The following GPHN variants were observed in gnomAD, a reference collection of about 807,000 sequenced individuals.
GPHN encodes the protein gephyrin.
In GPHN, 17 loss-of-function variants were observed where a neutral mutation model predicts 95.5. That is an observed-to-expected ratio of 0.18 (90% CI 0.12 to 0.27). GPHN has a LOEUF of 0.27. Ranked by LOEUF, GPHN falls within the 10% of genes least tolerant of loss-of-function variation. The probability of loss-of-function intolerance (pLI) is 1.00; values close to 1 mark genes in which losing one functional copy is unlikely to be tolerated. For synonymous variants in GPHN, 320 were observed against 322.5 expected, an observed-to-expected ratio of 0.99 and a Z score of 0.08; for missense variants, 660 against 978.1, an observed-to-expected ratio of 0.67 and a Z score of 4.34.
intron 1 of GPHN, among the ~76,000 whole-genome samples, chr14:66,602,593 A>C (rs761707268): frequency 4.6e-5 from 7 of 152,022 alleles, no homozygotes; most frequent in Non-Finnish European, 2.9e-5. Flanking sequence ...TTAGATCTTC[A>C]TAAAATCTGA....
At chr14:67,464,818 C>T in the GPHN span, among the ~76,000 whole-genome samples, 3 of 152,226 alleles carry the variant, frequency 2.0e-5, no homozygotes, top group Non-Finnish European at 4.4e-5. Flanking sequence ...TTCACACATG[C>T]TGTGCTTTCA....
chr14:66,904,499 A>G (rs2065276677), intron 5 of GPHN, among the ~76,000 whole-genome samples: 1 of 152,140 alleles, frequency 6.6e-6, no homozygotes, highest in Non-Finnish European at 1.5e-5. Flanking sequence ...ACTGATTGGT[A>G]CGTTTTACAA....
intron 9 of GPHN, among the ~76,000 whole-genome samples, chr14:67,004,489 T>A (rs2072464574): frequency 2.0e-5 from 3 of 151,784 alleles, no homozygotes; most frequent in African/African-American, 7.2e-5. Context: ...TGTCCATTTT[T>A]TAAAAAATCA....
At chr14:67,477,192 T>G in the GPHN span, among the ~76,000 whole-genome samples, 74,171 of 151,092 alleles carry the variant, frequency 0.49, 18,627 homozygotes, top group African/African-American at 0.6. Flanking sequence ...ATGTTCGATA[T>G]CTCCTTATTT....
intron 2 of GPHN, among the ~76,000 whole-genome samples, chr14:66,685,964 T>C (rs1463253351): frequency 6.6e-6 from 1 of 151,436 alleles, no homozygotes; most frequent in African/African-American, 2.4e-5. Flanking sequence ...TTTCTACATT[T>C]GGCTAGCCAG....
At chr14:67,689,894 G>C in the GPHN span, among the ~76,000 whole-genome samples, 1 of 151,900 alleles carries the variant, frequency 6.6e-6, no homozygotes, top group Non-Finnish European at 1.5e-5. Flanking sequence ...GCAGTGAGCC[G>C]AGATTGCACC....
intron 1 of GPHN, among the ~76,000 whole-genome samples, chr14:66,650,918 G>T (rs1270024546): frequency 6.6e-6 from 1 of 152,168 alleles, no homozygotes; most frequent in African/African-American, 2.4e-5. Context: ...TTAGAGAAAT[G>T]CTGGCTAGCC....
intron 4 of GPHN, among the ~76,000 whole-genome samples, chr14:66,834,093 C>G (rs1329807215): frequency 1.3e-5 from 2 of 152,110 alleles, no homozygotes; most frequent in African/African-American, 2.4e-5. Flanking sequence ...AATCTGTCAC[C>G]TTATAATTTC....
the GPHN span, among the ~76,000 whole-genome samples, chr14:67,397,377 C>T: frequency 1.3e-5 from 2 of 152,356 alleles, no homozygotes; most frequent in African/African-American, 4.8e-5. Flanking sequence ...CCAGCCCATA[C>T]AGTGCTCTAA....
chr14:66,517,574 G>A (rs1038685550), intron 1 of GPHN, among the ~76,000 whole-genome samples: 7 of 152,160 alleles, frequency 4.6e-5, no homozygotes, highest in African/African-American at 1.7e-4. Context: ...AAACAGCATG[G>A]TACTGGTGTA....
chr14:67,692,587 C>G, the GPHN span: 1 of 1,572,250 alleles, frequency 6.4e-7, no homozygotes, highest in Non-Finnish European at 8.6e-7. Context: ...TAAATATACT[C>G]GAGCTCCTGT....
At chr14:67,549,273 ATT>A in the GPHN span, among the ~76,000 whole-genome samples, 2 of 139,944 alleles carry the variant, frequency 1.4e-5, no homozygotes, top group Admixed American at 7.2e-5. Flanking sequence ...GAGATTTTTA[ATT>A]TTTTTTTTTT....
At chr14:66,671,956 A>G (rs557501003) in intron 1 of GPHN, among the ~76,000 whole-genome samples, 7 of 152,000 alleles carry the variant, frequency 4.6e-5, no homozygotes, top group African/African-American at 1.4e-4. Context: ...TTCTGCTCAA[A>G]TTTTTGTTAT....
At chr14:67,473,125 C>A in the GPHN span, 1 of 412,520 alleles carries the variant, frequency 2.4e-6, no homozygotes, top group Admixed American at 3.8e-5. The surrounding 1 kb of genome is among the most constrained non-coding windows in gnomAD (Gnocchi z 6.5). Flanking sequence ...CCAAAGTCAA[C>A]TACATAGTCC....
intron 3 of GPHN, among the ~76,000 whole-genome samples, chr14:66,820,893 A>G (rs1202180036): frequency 6.6e-6 from 1 of 152,098 alleles, no homozygotes; most frequent in East Asian, 1.9e-4. Flanking sequence ...TTTGTGATAC[A>G]CCTTTATTCT....
chr14:67,658,546 G>A, the GPHN span, among the ~76,000 whole-genome samples: 3 of 152,160 alleles, frequency 2.0e-5, no homozygotes, highest in African/African-American at 4.8e-5. Flanking sequence ...GCAGTGAGCC[G>A]AGATTGCGCC....
chr14:67,200,855 G>A, the GPHN span, among the ~76,000 whole-genome samples: 1 of 152,142 alleles, frequency 6.6e-6, no homozygotes, highest in African/African-American at 2.4e-5. Context: ...GTCCAACATT[G>A]GGGGTAGTTA....
At chr14:66,538,110 G>A (rs373595706) in intron 1 of GPHN, among the ~76,000 whole-genome samples, 190 of 152,302 alleles carry the variant, frequency 1.2e-3, no homozygotes, top group Middle Eastern at 6.8e-3. Context: ...GGGATTACAG[G>A]TGTGAGCCAC....
intron 5 of GPHN, among the ~76,000 whole-genome samples, chr14:66,885,617 G>A (rs959727867): frequency 2.0e-5 from 3 of 152,112 alleles, no homozygotes; most frequent in Non-Finnish European, 2.9e-5. Flanking sequence ...GTATCTTCAA[G>A]GGATTTATAA....
Sources: gnomAD v4.1 joint callset for allele counts (sites outside exome capture counted in the v4.1 genomes callset) on GRCh38, gnomAD v4.1.1 for gene constraint, Gnocchi (gnomAD v3.1) non-coding constraint, MANE v1.5 for transcripts, NCBI Gene and HGNC (gene_info 2026-07-23, HGNC 2026-07-21) for gene names.